Variants in TINAG observed in about 807,000 individuals in gnomAD.
TINAG encodes tubulointerstitial nephritis antigen.
A neutral mutation model predicts 72.7 loss-of-function variants in TINAG; 83 were observed. The observed-to-expected ratio is 1.14, with a 90% CI of 0.96 to 1.37. TINAG has a LOEUF of 1.37. Among genes scored for constraint, TINAG ranks in the 40% most tolerant of loss-of-function variants. The probability of loss-of-function intolerance (pLI) is 0.00; values close to 1 mark genes in which losing one functional copy is unlikely to be tolerated. For missense variants in TINAG, 685 were observed against 576.6 expected (o/e 1.19, Z -1.93); for synonymous variants, 234 against 189.9 (o/e 1.23, Z -1.91).
At chr6:54,357,709 C>T (rs116439487) in intron 9 of TINAG, among the ~76,000 whole-genome samples, 6 of 152,004 alleles carry the variant, frequency 3.9e-5, no homozygotes, top group Non-Finnish European at 8.8e-5. Flanking sequence ...ATCTGAACTA[C>T]CATCACCCTT....
intron 4 of TINAG, among the ~76,000 whole-genome samples, chr6:54,331,719 C>T (rs1582710401): frequency 6.6e-6 from 1 of 152,188 alleles, no homozygotes; most frequent in Non-Finnish European, 1.5e-5. Context: ...CGCATTGTTT[C>T]AGCCCCAAAT....
chr6:54,344,500 T>C (rs1307799603), intron 5 of TINAG, among the ~76,000 whole-genome samples: 1 of 152,158 alleles, frequency 6.6e-6, no homozygotes, highest in African/African-American at 2.4e-5. Flanking sequence ...TTAAGGTTGT[T>C]TCAGATGGGT....
At chr6:54,325,702 G>C (rs1380769050) in intron 3 of TINAG, among the ~76,000 whole-genome samples, 3 of 152,014 alleles carry the variant, frequency 2.0e-5, no homozygotes, top group Non-Finnish European at 4.4e-5. Context: ...TACTAACATA[G>C]GGCAACAAAA....
chr6:54,387,075 A>T (rs1764118609), intron 10 of TINAG, among the ~76,000 whole-genome samples: 1 of 152,196 alleles, frequency 6.6e-6, no homozygotes, highest in African/African-American at 2.4e-5. Flanking sequence ...GAAGACCAAG[A>T]TAACTCAATA....
At chr6:54,369,975 C>A (rs1016889473) in intron 9 of TINAG, 3 of 151,632 alleles carry the variant, frequency 2.0e-5, no homozygotes, top group African/African-American at 7.3e-5. Flanking sequence ...AAGAAATGGC[C>A]AAACAGGGAA....
At chr6:54,331,426 C>A (rs1185639832) in intron 4 of TINAG, among the ~76,000 whole-genome samples, 2 of 152,120 alleles carry the variant, frequency 1.3e-5, no homozygotes, top group Non-Finnish European at 2.9e-5. Flanking sequence ...GCTAAAAACA[C>A]TCAATAAACT....
At chr6:54,308,372 A>G, upstream of TINAG, 2 of 646,006 alleles carry the variant, frequency 3.1e-6, no homozygotes, top group East Asian at 2.7e-5. Flanking sequence ...TCTTGGTCAA[A>G]CATTGAAATT....
chr6:54,312,108 G>A (rs1434489163), intron 1 of TINAG, among the ~76,000 whole-genome samples: 1 of 151,780 alleles, frequency 6.6e-6, no homozygotes, highest in East Asian at 1.9e-4. Flanking sequence ...CCAGGCTGAA[G>A]TACAGTGGCG....
intron 7 of TINAG, 54 bp downstream of exon 7, chr6:54,349,950 C>G (rs1432319024): frequency 1.6e-6 from 2 of 1,228,322 alleles, no homozygotes; most frequent in Admixed American, 2.7e-5. Context: ...ATGTATATAG[C>G]TCTACTGTAA....
intron 9 of TINAG, among the ~76,000 whole-genome samples, chr6:54,357,507 ATCT>A (rs1266501356): frequency 6.6e-6 from 1 of 151,888 alleles, no homozygotes; most frequent in African/African-American, 2.4e-5. Flanking sequence ...AGAACTCCTG[ATCT>A]TCTCCCTTTA....
At chr6:54,372,927 GC>G (rs996170205) in intron 9 of TINAG, among the ~76,000 whole-genome samples, 51 of 151,838 alleles carry the variant, frequency 3.4e-4, no homozygotes, top group African/African-American at 1.2e-3. Flanking sequence ...GAGAAAGTCA[GC>G]CCAAGTCTGA....
At chr6:54,382,555 G>A (rs762901599) in intron 10 of TINAG, among the ~76,000 whole-genome samples, 4 of 151,994 alleles carry the variant, frequency 2.6e-5, no homozygotes, top group Non-Finnish European at 5.9e-5. Flanking sequence ...ATTGTGAAAG[G>A]TCTGAGATAT....
At chr6:54,342,603 T>C (rs910267020) in intron 4 of TINAG, among the ~76,000 whole-genome samples, 4 of 151,970 alleles carry the variant, frequency 2.6e-5, no homozygotes, top group Admixed American at 6.6e-5. Flanking sequence ...CTCCTGACCT[T>C]GTGATCCACC....
At chr6:54,354,465 G>T in intron 8 of TINAG, 48 bp from the exon 9 acceptor site, 1 of 1,509,746 alleles carries the variant, frequency 6.6e-7, no homozygotes, top group Non-Finnish European at 8.8e-7. Context: ...GGTTTTTAAA[G>T]ATGATATTTT....
chr6:54,329,438 AC>A (rs1364312816), intron 4 of TINAG, among the ~76,000 whole-genome samples: 1 of 152,186 alleles, frequency 6.6e-6, no homozygotes, highest in African/African-American at 2.4e-5. Flanking sequence ...GGATTTAGTC[AC>A]CACCAGGCTT....
In TINAG at chr6:54,312,750, T is replaced by C. The variant is rs145700578; in HGVS notation, c.355+3845T>C. ...TTTTTTATTTAAAAATCCAGATGTTTAGCTACTCTTGAAAAATTGAAAAAT... is the reference window on the plus strand; with the variant it reads ...TTTTTTATTTAAAAATCCAGATGTTCAGCTACTCTTGAAAAATTGAAAAAT... On this transcript the variant is annotated intron_variant, in intron 1 of 10. Transcript: ENST00000259782. Among the ~76,000 whole-genome samples, 23 of 152,308 alleles carry C rather than the reference T, an allele frequency of 1.5e-4. No homozygotes were observed. In the East Asian group the frequency reaches 2.7e-3, roughly 18 times the overall value.
intron 1 of TINAG, among the ~76,000 whole-genome samples, chr6:54,312,814 A>G (rs1418222319): frequency 6.6e-6 from 1 of 152,186 alleles, no homozygotes; most frequent in South Asian, 2.1e-4. Context: ...TGAGATTTTC[A>G]TTAGTGAGAG....
intron 9 of TINAG, among the ~76,000 whole-genome samples, chr6:54,373,981 T>C (rs1262822427): frequency 2.0e-5 from 3 of 152,128 alleles, no homozygotes; most frequent in Non-Finnish European, 4.4e-5. Context: ...GATGTATAGA[T>C]GTTTTAATGC....
chr6:54,357,536 A>T (rs1299242967), intron 9 of TINAG, among the ~76,000 whole-genome samples: 2 of 152,004 alleles, frequency 1.3e-5, no homozygotes, highest in East Asian at 1.9e-4. Flanking sequence ...GCTAAACAGC[A>T]TCAATCTTTT....
Sources: allele counts gnomAD v4.1 joint callset (sites outside exome capture counted in the v4.1 genomes callset), GRCh38; gene constraint gnomAD v4.1.1; transcripts MANE v1.5; gene names NCBI Gene and HGNC (gene_info 2026-07-23, HGNC 2026-07-21).